TRAM1: variants seen among roughly 807,000 people sequenced by gnomAD.
TRAM1 encodes translocating chain-associated membrane protein 1.
In TRAM1, 17 loss-of-function variants were observed where a neutral mutation model predicts 48.7. The ratio of observed to expected loss-of-function variants is 0.35; its 90% CI spans 0.24 to 0.52. The LOEUF is 0.52. Among genes scored for constraint, TRAM1 ranks in the 20% least tolerant of loss-of-function variants. The pLI is 0.94. For missense variants in TRAM1, 351 were observed against 441.5 expected (o/e 0.79, Z 1.84); for synonymous variants, 182 against 154.0 (o/e 1.18, Z -1.34).
chr8:70,573,762 C>A lies in TRAM1; in HGVS notation c.*1170G>T, dbSNP rs1816873724. 6.6e-6 allele frequency: 1 copy of A among 152,080 alleles called. No homozygotes were observed. The highest frequency in any genetic ancestry group is 1.5e-5 in the Non-Finnish European group (1 of 67,988). 9.4% of individuals were successfully genotyped at this position (152,080 alleles called of 1,614,324 possible). ...ATATACTGTAAATATGATGAATAAA[C>A]CAAATGTAGCTATAAGAATCTTAAA... On this transcript the variant is annotated 3_prime_UTR_variant, in exon 11 of 11. Coordinates refer to ENST00000262213, the MANE Select transcript of TRAM1 (RefSeq NM_014294.6).
At chr8:70,596,142 A>G (rs971489884) in intron 5 of TRAM1, 121 bp downstream of exon 5, 12 of 682,744 alleles carry the variant, frequency 1.8e-5, no homozygotes, top group Non-Finnish European at 2.7e-5. Flanking sequence ...TGTCAAAGAC[A>G]TATTTTCATC....
chr8:70,578,061 T>C (rs1426032348), intron 10 of TRAM1, among the ~76,000 whole-genome samples: 1 of 152,180 alleles, frequency 6.6e-6, no homozygotes, highest in African/African-American at 2.4e-5. Context: ...GTGTAGGATC[T>C]GGGCCGGTAG....
In TRAM1 at chr8:70,600,095, A is replaced by T. The variant is rs553724225; in HGVS notation, c.124-13T>A. The T allele has an allele frequency of 2.5e-6, 4 of 1,609,360 alleles. No homozygotes were observed. The highest frequency in any genetic ancestry group is 1.3e-5 in the African/African-American group (1 of 74,922). Reference sequence around the variant, plus strand: ...CTTTTGCCGTTATCTACAAAGAAGGAAAAACAAAGATCAAGTCAATTTGTG... The same window carrying T: ...CTTTTGCCGTTATCTACAAAGAAGGTAAAACAAAGATCAAGTCAATTTGTG... On this transcript the variant is annotated splice_polypyrimidine_tract_variant and intron_variant, in intron 1 of 10. Coordinates refer to ENST00000262213, the MANE Select transcript of TRAM1 (RefSeq NM_014294.6).
At chr8:70,578,015 C>A (rs989408731) in intron 10 of TRAM1, among the ~76,000 whole-genome samples, 1 of 152,226 alleles carries the variant, frequency 6.6e-6, no homozygotes, top group Non-Finnish European at 1.5e-5. Context: ...TGCCCACACA[C>A]CCCCTGCTGC....
At chr8:70,586,128 A>G (rs1332328231) in intron 8 of TRAM1, among the ~76,000 whole-genome samples, 9 of 151,912 alleles carry the variant, frequency 5.9e-5, no homozygotes, top group Admixed American at 2.0e-4. Context: ...TTGCAGGGAC[A>G]TGGATGAAAC....
intron 1 of TRAM1, among the ~76,000 whole-genome samples, chr8:70,601,452 T>C (rs1264704221): frequency 6.6e-6 from 1 of 152,236 alleles, no homozygotes; most frequent in Non-Finnish European, 1.5e-5. Context: ...CAGAGAACTG[T>C]GTTCCTTTCC....
chr8:70,598,082 T>G lies in TRAM1; in HGVS notation c.309+52A>C, dbSNP rs376893365. 1.1e-5 allele frequency: 17 copies of G among 1,563,224 alleles called. No homozygotes were observed. The African/African-American group carries it at 2.3e-4, about 21-fold the overall frequency. Reference sequence around the variant, plus strand: ...TATATTTAATATATGACTAGCAGATTATGGAGAGCTAGTACTTTATAAAGT... The same window carrying G: ...TATATTTAATATATGACTAGCAGATGATGGAGAGCTAGTACTTTATAAAGT... On this transcript the variant is annotated intron_variant, in intron 3 of 10. Transcript: ENST00000262213.
chr8:70,583,703 T>C lies in TRAM1; in HGVS notation c.837A>G (p.Ala279=), dbSNP rs992234695. The C allele has an allele frequency of 6.2e-7, 1 of 1,613,210 alleles. No individual in the cohort carries two copies. The highest frequency in any genetic ancestry group is 2.2e-5 in the East Asian group (1 of 44,836). ...VLTVGFGLAR[A]ENQKLDFSTG... Reference sequence around the variant, plus strand: ...TACTGAAATCCAGCTTCTGATTTTCTGCTCTTGCAAGGCCAAAACCAACAG... The same window carrying C: ...TACTGAAATCCAGCTTCTGATTTTCCGCTCTTGCAAGGCCAAAACCAACAG... Residue 279 remains alanine (A), a synonymous_variant, in exon 9 of 11, where the codon GCA becomes GCG. Transcript: ENST00000262213.
intron 1 of TRAM1, among the ~76,000 whole-genome samples, chr8:70,606,258 C>A (rs1817715831): frequency 6.6e-6 from 1 of 152,030 alleles, no homozygotes; most frequent in Admixed American, 6.5e-5. Flanking sequence ...AGTGGTGAAA[C>A]CTTGGCTCAC....
At chr8:70,591,533 T>A (rs1157985516) in intron 6 of TRAM1, among the ~76,000 whole-genome samples, 3 of 152,142 alleles carry the variant, frequency 2.0e-5, no homozygotes, top group African/African-American at 7.2e-5. Context: ...TATAAAATCG[T>A]AAATAACTTC....
chr8:70,586,941 G>A lies in TRAM1; in HGVS notation c.700C>T (p.His234Tyr). 1.2e-6 allele frequency: 2 copies of A among 1,613,722 alleles called. No individual in the cohort carries two copies. Among genetic ancestry groups the A allele is most frequent in the South Asian group, 1.1e-5 (1 of 91,076 alleles). ...VLHYFVEFLFHISRLFYFSNE... is the reference protein window; with the variant it reads ...VLHYFVEFLFYISRLFYFSNE... ...CTAAAATAAAACAGGCGGGAAATGT[G>A]GAAAAGAAATTCAACAAAATAATGT... is the stretch of plus-strand genomic sequence containing the variant. The change falls in exon 8 of 11, where the codon CAC becomes TAC. Residue 234 changes from histidine to tyrosine, a missense_variant. His to Tyr is a moderately conservative substitution (Grantham distance 83). Transcript: ENST00000262213.
intron 1 of TRAM1, among the ~76,000 whole-genome samples, chr8:70,605,697 C>T (rs1434235636): frequency 6.6e-6 from 1 of 152,148 alleles, no homozygotes; most frequent in Non-Finnish European, 1.5e-5. Flanking sequence ...ATCCTAACAC[C>T]TTAATATATG....
rs564435697 is a variant in TRAM1, at chr8:70,602,388, G to C, written c.124-2306C>G. On this transcript the variant is annotated intron_variant, in intron 1 of 10. Transcript: ENST00000262213. ...CAACAGTGAAGGCAACAGGGAAAAG[G>C]GAGAAGTTAAACACACAGGATAGAA... 1.2e-4 allele frequency among the ~76,000 whole-genome samples: 19 copies of C among 152,274 alleles called. No individual in the cohort carries two copies. The East Asian group carries it at 2.7e-3, about 22-fold the overall frequency.
intron 10 of TRAM1, among the ~76,000 whole-genome samples, chr8:70,579,330 T>C (rs894557781): frequency 2.8e-4 from 42 of 152,288 alleles, no homozygotes; most frequent in African/African-American, 9.9e-4. Context: ...TATCTAAACA[T>C]AGAAATGGTA....
chr8:70,595,215 T>C (rs976738346), intron 5 of TRAM1, among the ~76,000 whole-genome samples: 4 of 151,842 alleles, frequency 2.6e-5, no homozygotes, highest in African/African-American at 9.7e-5. Context: ...TGACATTATA[T>C]CCCTCTAGCC....
intron 8 of TRAM1, among the ~76,000 whole-genome samples, chr8:70,584,098 A>G (rs1336512400): frequency 6.6e-6 from 1 of 152,242 alleles, no homozygotes; most frequent in Non-Finnish European, 1.5e-5. Flanking sequence ...TTCTGCAAAA[A>G]AGAATTTTGA....
intron 8 of TRAM1, among the ~76,000 whole-genome samples, chr8:70,586,112 T>C (rs1237736606): frequency 1.3e-5 from 2 of 151,918 alleles, no homozygotes; most frequent in South Asian, 2.1e-4. Context: ...GAAGAGTTCA[T>C]GTCCTTTGCA....
chr8:70,587,317 G>A (rs747220265), intron 6 of TRAM1, 141 bp from the exon 7 acceptor site: 23 of 725,182 alleles, frequency 3.2e-5, no homozygotes, highest in Non-Finnish European at 5.0e-5. Flanking sequence ...CCTTCCAAAG[G>A]GTTAGGATTT....
chr8:70,598,102 T>C, intron 3 of TRAM1, 32 bp downstream of exon 3: 1 of 1,594,380 alleles, frequency 6.3e-7, no homozygotes, highest in Non-Finnish European at 8.5e-7. Context: ...TAGTACTTTA[T>C]AAAGTATAGA....
Sources: gnomAD v4.1 joint callset for allele counts (sites outside exome capture counted in the v4.1 genomes callset) on GRCh38, gnomAD v4.1.1 for gene constraint, MANE v1.5 for transcripts, NCBI Gene and HGNC (gene_info 2026-07-23, HGNC 2026-07-21) for gene names.